The following PLCH1 variants were observed in gnomAD, a reference collection of about 807,000 sequenced individuals.
PLCH1 encodes the protein 1-phosphatidylinositol 4,5-bisphosphate phosphodiesterase eta-1.
In PLCH1, 60 loss-of-function variants were observed where a neutral mutation model predicts 126.7. The observed-to-expected ratio is 0.47, with a 90% confidence interval of 0.38 to 0.59. PLCH1 has a LOEUF of 0.59. Among genes scored for constraint, PLCH1 ranks in the 20% least tolerant of loss-of-function variants. PLCH1 has a pLI of 0.00. For missense variants in PLCH1, 1,723 were observed against 2,040.0 expected, an observed-to-expected ratio of 0.84 and a Z score of 2.99; for synonymous variants, 719 against 734.9, an observed-to-expected ratio of 0.98 and a Z score of 0.35.
chr3:155,622,062 T>C (rs1394153861), intron 2 of PLCH1, among the ~76,000 whole-genome samples: 1 of 152,186 alleles, frequency 6.6e-6, no homozygotes, highest in Non-Finnish European at 1.5e-5. Context: ...ACAGCAGATC[T>C]CTCTGCAGAA....
chr3:155,544,401 C>A (rs1196395518), intron 10 of PLCH1, among the ~76,000 whole-genome samples: 1 of 152,156 alleles, frequency 6.6e-6, no homozygotes, highest in Non-Finnish European at 1.5e-5. Context: ...TCCTGAGTGA[C>A]CTACAAAGAG....
At chr3:155,609,545 A>G (rs989960113) in intron 2 of PLCH1, among the ~76,000 whole-genome samples, 4 of 152,210 alleles carry the variant, frequency 2.6e-5, no homozygotes, top group Admixed American at 6.5e-5. Context: ...CCAAGAACAA[A>G]TCTGTGAATT....
chr3:155,717,497 C>T (rs1747612020), intron 1 of PLCH1, among the ~76,000 whole-genome samples: 1 of 152,216 alleles, frequency 6.6e-6, no homozygotes, highest in South Asian at 2.1e-4. Context: ...TAGGGGGAGG[C>T]TACCAAGCCT....
At position 155,675,756 on chromosome 3, in the gene PLCH1, A is replaced by T. The variant is rs114696948; in HGVS notation, c.79+28390T>A. On this transcript the variant is annotated intron_variant, in intron 2 of 22. Transcript: ENST00000460012. Reference sequence around the variant, plus strand: ...TCTCACTGACCATTTTAATATAATGATATACTTTCAGTTTGCCAGCATGCA... The same window carrying T: ...TCTCACTGACCATTTTAATATAATGTTATACTTTCAGTTTGCCAGCATGCA... Among the ~76,000 whole-genome samples, 873 of 152,300 alleles carry T rather than the reference A, an allele frequency of 5.7e-3. 12 individuals are homozygous for T. The highest frequency in any genetic ancestry group is 0.02 in the African/African-American group (827 of 41,570).
chr3:155,471,817 A>C (rs1333707694), intron 21 of PLCH1, among the ~76,000 whole-genome samples: 3 of 152,188 alleles, frequency 2.0e-5, no homozygotes, highest in Non-Finnish European at 2.9e-5. Flanking sequence ...CAACCTGCTC[A>C]TGAATAACTA....
At chr3:155,732,110 A>G (rs1304055708) in intron 1 of PLCH1, among the ~76,000 whole-genome samples, 2 of 152,082 alleles carry the variant, frequency 1.3e-5, no homozygotes, top group Non-Finnish European at 2.9e-5. Context: ...ATACATTATC[A>G]ATGTTTATAG....
intron 10 of PLCH1, among the ~76,000 whole-genome samples, chr3:155,543,856 C>G (rs1227270453): frequency 1.3e-5 from 2 of 151,224 alleles, no homozygotes; most frequent in East Asian, 3.9e-4. Flanking sequence ...TTTGTCACCA[C>G]CAGGCCTGCC....
At chr3:155,620,831 C>T (rs997584040) in intron 2 of PLCH1, among the ~76,000 whole-genome samples, 2 of 144,680 alleles carry the variant, frequency 1.4e-5, no homozygotes, top group Non-Finnish European at 3.0e-5. Context: ...GCTGTGGGCG[C>T]AGCTTCAGCA....
chr3:155,570,367 T>C (rs1357365439), intron 6 of PLCH1, among the ~76,000 whole-genome samples: 1 of 152,164 alleles, frequency 6.6e-6, no homozygotes, highest in African/African-American at 2.4e-5. Context: ...GAAATAGGAA[T>C]TTCTCCCTAC....
chr3:155,622,448 G>T (rs1318602760), intron 2 of PLCH1, among the ~76,000 whole-genome samples: 8 of 152,242 alleles, frequency 5.3e-5, no homozygotes, highest in Non-Finnish European at 1.2e-4. Context: ...AATGCCCCCA[G>T]TTAAAGACAC....
chr3:155,606,944 TC>T, intron 2 of PLCH1, among the ~76,000 whole-genome samples: 2 of 152,240 alleles, frequency 1.3e-5, no homozygotes, highest in Non-Finnish European at 2.9e-5. Flanking sequence ...CTCACCCTGT[TC>T]CTTAAAAGGC....
chr3:155,499,248 C>T (rs1218989456), intron 14 of PLCH1, among the ~76,000 whole-genome samples: 1 of 151,912 alleles, frequency 6.6e-6, no homozygotes, highest in East Asian at 1.9e-4. Context: ...TTAGATGTTC[C>T]CCTATAGGAG....
chr3:155,547,928 T>A (rs1725596688), intron 10 of PLCH1, among the ~76,000 whole-genome samples: 1 of 147,964 alleles, frequency 6.8e-6, no homozygotes, highest in Admixed American at 6.7e-5. Flanking sequence ...TTAGGAGATA[T>A]ACCTAATGCT....
intron 2 of PLCH1, among the ~76,000 whole-genome samples, chr3:155,690,713 C>G (rs1338198593): frequency 6.6e-6 from 1 of 152,164 alleles, no homozygotes; most frequent in Non-Finnish European, 1.5e-5. Flanking sequence ...TGATGAAAAA[C>G]AGTTCTCTTC....
At chr3:155,651,156 T>G (rs770176126) in intron 2 of PLCH1, among the ~76,000 whole-genome samples, 20 of 152,158 alleles carry the variant, frequency 1.3e-4, no homozygotes, top group Non-Finnish European at 2.4e-4. Context: ...GGGGGAAAAA[T>G]GTAGCACCAT....
rs886620781 is a variant in PLCH1 at position 155,494,159 on chromosome 3, G to A, written c.2164C>T (p.Pro722Ser). 1 of 1,613,498 alleles carries A rather than the reference G, an allele frequency of 6.2e-7. No homozygotes were observed. Among genetic ancestry groups the A allele is most frequent in the Non-Finnish European group, 8.5e-7 (1 of 1,179,444 alleles). ...TACACACCTTTGCACATTTGCTGGG[G>A]TTTGAGGACATAGCCACAATTGCCA... ...ANGNCGYVLK[P>S]QQMCKGTFNP... is the part of the protein sequence containing the mutation. Residue 722 changes from proline (P) to serine (S), a missense_variant, in exon 17 of 23, where the codon CCC (proline) becomes TCC (serine). This residue lies in a region of PLCH1 where 776 missense variants were observed against 1,062.9 expected (regional missense o/e 0.73). Coordinates refer to ENST00000460012, the MANE Select transcript of PLCH1 (RefSeq NM_014996.4).
intron 15 of PLCH1, among the ~76,000 whole-genome samples, chr3:155,497,034 A>G (rs914359491): frequency 2.0e-5 from 3 of 152,204 alleles, no homozygotes; most frequent in African/African-American, 7.2e-5. Flanking sequence ...GTGTTGCAGG[A>G]AGATCTTGCC....
At chr3:155,726,878 CTTT>C (rs201977097) in intron 1 of PLCH1, among the ~76,000 whole-genome samples, 1 of 133,128 alleles carries the variant, frequency 7.5e-6, no homozygotes, top group Non-Finnish European at 1.6e-5. Flanking sequence ...TTTCTTTTTT[CTTT>C]TTTTTTTTTT....
At chr3:155,476,942 A>C (rs1713569154), downstream of PLCH1, among the ~76,000 whole-genome samples, 1 of 152,144 alleles carries the variant, frequency 6.6e-6, no homozygotes, top group African/African-American at 2.4e-5. Flanking sequence ...AGAGTAGCCA[A>C]AGGTATCCTA....
Sources: allele counts gnomAD v4.1 joint callset (sites outside exome capture counted in the v4.1 genomes callset), GRCh38; gene constraint gnomAD v4.1.1; regional missense constraint gnomAD v4.1.1; transcripts MANE v1.5; gene names NCBI Gene and HGNC (gene_info 2026-07-23, HGNC 2026-07-21).